ABCG2: variants seen among roughly 807,000 people sequenced by gnomAD.
ABCG2 encodes the protein broad substrate specificity ATP-binding cassette transporter ABCG2.
In ABCG2, 80 loss-of-function variants were observed where a neutral mutation model predicts 73.5. The ratio of observed to expected loss-of-function variants is 1.09; its 90% CI spans 0.91 to 1.31. The LOEUF (loss-of-function observed/expected upper bound fraction) is 1.31, where lower values mean the gene tolerates loss of function less well. Among genes scored for constraint, ABCG2 ranks in the 50% most tolerant of loss-of-function variants. The probability of loss-of-function intolerance (pLI) is 0.00; values close to 1 mark genes in which losing one functional copy is unlikely to be tolerated. For synonymous variants in ABCG2, 269 were observed against 282.4 expected, an observed-to-expected ratio of 0.95 and a Z score of 0.48; for missense variants, 796 against 786.2, an observed-to-expected ratio of 1.01 and a Z score of -0.15.
chr4:88,097,539 T>C lies in ABCG2; in HGVS notation c.1561A>G (p.Ser521Gly). 2 of 1,614,216 alleles carry C rather than the reference T, an allele frequency of 1.2e-6. No homozygotes were observed. Among genetic ancestry groups the C allele is most frequent in the Non-Finnish European group, 8.5e-7 (1 of 1,180,020 alleles). Residue 521 changes from serine to glycine, a missense_variant, in exon 13 of 16, where the codon AGT (serine) becomes GGT (glycine). Transcript: ENST00000237612. The stretch of plus-strand genomic sequence containing the variant: ...GCTGCTATGGCCAGTGCCATGGAAC[T>C]GGCTGAATAAGCCACCATCATAAGG... Reference protein sequence around the residue: ...FTLMMVAYSASSMALAIAAGQ... With the variant: ...FTLMMVAYSAGSMALAIAAGQ...
chr4:88,098,693 T>TAGAC, intron 12 of ABCG2, among the ~76,000 whole-genome samples: 1 of 147,470 alleles, frequency 6.8e-6, no homozygotes, highest in Non-Finnish European at 1.5e-5. Context: ...GATAGACAGA[T>TAGAC]AGAAAACATA....
At chr4:88,230,375 C>T (rs556893984) in intron 1 of ABCG2, among the ~76,000 whole-genome samples, 137 of 143,120 alleles carry the variant, frequency 9.6e-4, no homozygotes, top group African/African-American at 3.5e-3. Flanking sequence ...GCACTGTCGC[C>T]GCACCCGGCC....
chr4:88,213,092 C>CG (rs1268974894), intron 1 of ABCG2, among the ~76,000 whole-genome samples: 1 of 152,046 alleles, frequency 6.6e-6, no homozygotes, highest in Non-Finnish European at 1.5e-5. Context: ...TTTGTAGGGA[C>CG]GGGGTCTCAC....
chr4:88,159,310 A>G (rs1727180314), upstream of ABCG2: 1 of 432,862 alleles, frequency 2.3e-6, no homozygotes, highest in Non-Finnish European at 4.7e-6. Flanking sequence ...TCGCACCCAG[A>G]GCAAGTTAAA....
intron 1 of ABCG2, among the ~76,000 whole-genome samples, chr4:88,153,786 C>G (rs1560720660): frequency 6.6e-6 from 1 of 152,030 alleles, no homozygotes; most frequent in Non-Finnish European, 1.5e-5. Context: ...TGACTCGGGG[C>G]ATGTGAGTAA....
At chr4:88,206,293 A>C (rs1047634340) in intron 1 of ABCG2, 11 of 152,228 alleles carry the variant, frequency 7.2e-5, no homozygotes, top group African/African-American at 2.4e-4. Flanking sequence ...TCTTAAAAAA[A>C]TAAATGAATC....
intron 4 of ABCG2, among the ~76,000 whole-genome samples, chr4:88,131,543 A>G (rs1259007521): frequency 6.6e-6 from 1 of 152,214 alleles, no homozygotes; most frequent in Non-Finnish European, 1.5e-5. Flanking sequence ...GAAAGGCAAA[A>G]AAGGATAACA....
At chr4:88,209,162 T>C (rs1729489424) in intron 1 of ABCG2, among the ~76,000 whole-genome samples, 2 of 146,506 alleles carry the variant, frequency 1.4e-5, no homozygotes, top group African/African-American at 5.1e-5. Context: ...ATACAAAAAT[T>C]AGCTAAGTGT....
At chr4:88,133,842 A>T (rs1247270414) in intron 2 of ABCG2, among the ~76,000 whole-genome samples, 1 of 152,164 alleles carries the variant, frequency 6.6e-6, no homozygotes, top group Non-Finnish European at 1.5e-5. Flanking sequence ...TACTAAAAAT[A>T]CAAAAATTAG....
intron 1 of ABCG2, among the ~76,000 whole-genome samples, chr4:88,190,198 C>G (rs774030556): frequency 3.9e-5 from 6 of 152,064 alleles, no homozygotes; most frequent in Non-Finnish European, 5.9e-5. Flanking sequence ...TTATTAAAGC[C>G]TGTTTTTATA....
chr4:88,118,430 G>A (rs962153121), intron 6 of ABCG2, among the ~76,000 whole-genome samples, 170 bp from the exon 7 acceptor site: 7 of 152,272 alleles, frequency 4.6e-5, no homozygotes, highest in East Asian at 1.9e-4. Context: ...TAAATTCAAT[G>A]CTTTTATTAA....
chr4:88,100,148 C>T (rs994242139), intron 11 of ABCG2, among the ~76,000 whole-genome samples: 2 of 151,230 alleles, frequency 1.3e-5, no homozygotes, highest in Non-Finnish European at 2.9e-5. Flanking sequence ...TGAAAAATAC[C>T]CAGCCTGGGA....
At chr4:88,136,297 A>G (rs1725239675) in intron 2 of ABCG2, among the ~76,000 whole-genome samples, 1 of 152,194 alleles carries the variant, frequency 6.6e-6, no homozygotes, top group Non-Finnish European at 1.5e-5. Context: ...CTCCACTGAG[A>G]AAGCCTAGAA....
intron 9 of ABCG2, 103 bp from the exon 10 acceptor site, chr4:88,107,369 C>T (rs1722835954): frequency 1.3e-6 from 1 of 788,430 alleles, no homozygotes; most frequent in Non-Finnish European, 1.9e-6. Context: ...ATAATCAGAT[C>T]TCTCCATTAA....
chr4:88,194,504 CTG>C (rs1728852631), intron 1 of ABCG2, among the ~76,000 whole-genome samples: 2 of 124,268 alleles, frequency 1.6e-5, no homozygotes, highest in Non-Finnish European at 3.1e-5. Context: ...GAGCCGAGAT[CTG>C]GCCACTGCAC....
intron 1 of ABCG2, among the ~76,000 whole-genome samples, chr4:88,199,243 A>G (rs1051590101): frequency 3.0e-4 from 46 of 152,170 alleles, no homozygotes; most frequent in African/African-American, 1.0e-3. Flanking sequence ...TGCTGGAATT[A>G]CAGGCGTGAG....
At chr4:88,132,552 T>G (rs771715560) in intron 3 of ABCG2, 24 bp downstream of exon 3, 2 of 1,613,132 alleles carry the variant, frequency 1.2e-6, no homozygotes, top group South Asian at 2.2e-5. Flanking sequence ...CAGAAAACGC[T>G]TACTTATACT....
At chr4:88,209,057 A>C (rs1297324675) in intron 1 of ABCG2, among the ~76,000 whole-genome samples, 4 of 151,798 alleles carry the variant, frequency 2.6e-5, no homozygotes, top group Admixed American at 2.6e-4. Flanking sequence ...TTAAGCCTAT[A>C]ATCTCAGCAC....
At chr4:88,115,729 T>A (rs145707630) in intron 7 of ABCG2, among the ~76,000 whole-genome samples, 15 of 152,206 alleles carry the variant, frequency 9.9e-5, no homozygotes, top group African/African-American at 3.1e-4. Context: ...TCATGAGACC[T>A]GAAATAGCTA....
Sources: allele counts gnomAD v4.1 joint callset (sites outside exome capture counted in the v4.1 genomes callset), GRCh38; gene constraint gnomAD v4.1.1; transcripts MANE v1.5; gene names NCBI Gene and HGNC (gene_info 2026-07-23, HGNC 2026-07-21).